The following TRIM7 variants were observed in gnomAD, a reference collection of about 807,000 sequenced individuals.
TRIM7 encodes tripartite motif containing 7.
A neutral mutation model predicts 37.9 loss-of-function variants in TRIM7; 32 were observed. The observed-to-expected ratio is 0.84, with a 90% CI of 0.64 to 1.13. TRIM7 has a LOEUF of 1.13. Among genes scored for constraint, TRIM7 ranks in the 50% most tolerant of loss-of-function variants. The pLI is 0.00. For synonymous variants in TRIM7, 351 were observed against 321.3 expected (o/e 1.09, Z -0.99); for missense variants, 732 against 714.0 (o/e 1.03, Z -0.29).
chr5:181,203,580 G>A lies in TRIM7; in HGVS notation c.583C>T (p.Arg195Trp), dbSNP rs767501827. 5 of 1,614,024 alleles carry A rather than the reference G, an allele frequency of 3.1e-6. No homozygotes were observed. The highest frequency in any genetic ancestry group is 4.2e-6 in the Non-Finnish European group (5 of 1,180,004). The change falls in exon 2 of 7, where the codon CGG (arginine) becomes TGG (tryptophan). Residue 195 changes from arginine to tryptophan, a missense_variant. Transcript: ENST00000274773. Reference sequence around the variant, plus strand: ...TTGCTCTCCTTCTTTTCCGTGGACCGGAACACCTCACAGTCCTCCAGTTCC... The same window carrying A: ...TTGCTCTCCTTCTTTTCCGTGGACCAGAACACCTCACAGTCCTCCAGTTCC... The part of the protein sequence containing the change: ...KKELEDCEVF[R>W]STEKKESKEL...
At chr5:181,201,621 G>T (rs1757490462) in intron 2 of TRIM7, among the ~76,000 whole-genome samples, 1 of 152,218 alleles carries the variant, frequency 6.6e-6, no homozygotes, top group Non-Finnish European at 1.5e-5. Context: ...TTAAAAATTA[G>T]CCGGGTGTAG....
intron 1 of TRIM7, 30 bp from the exon 2 acceptor site, chr5:181,203,670 G>T: frequency 6.3e-7 from 1 of 1,579,108 alleles, no homozygotes; most frequent in Non-Finnish European, 8.6e-7. Flanking sequence ...ATGTAAGGTG[G>T]GGGTGAGGGG....
Position 181,204,736 on chromosome 5 carries a change from T to A in TRIM7, c.375A>T (p.Ala125=), listed in dbSNP as rs1249213992. 2.7e-6 allele frequency: 4 copies of A among 1,463,980 alleles called. No homozygotes were observed. The African/African-American group carries it at 6.0e-5, about 22-fold the overall frequency. The allele number at this position is 1,463,980 out of a possible 1,614,324, so 90.7% of individuals were successfully genotyped here. ...CATGCTGCCCGCAGCGGGCAGCCGC[T>A]GCCCGGGCCGCGGCCGCCTGAGACC... ...EHGSQAAAAR[A]AAARCGQHGE... The change falls in exon 1 of 7, where the codon GCA becomes GCT. Residue 125 remains alanine, a synonymous_variant. Coordinates refer to ENST00000274773, the MANE Select transcript of TRIM7 (RefSeq NM_203293.3).
In TRIM7 at chr5:181,204,667, G is replaced by A; in HGVS notation, c.444C>T (p.Ile148=). 6 of 1,515,734 alleles carry A rather than the reference G, an allele frequency of 4.0e-6. No homozygotes were observed. Among genetic ancestry groups the A allele is most frequent in the Non-Finnish European group, 5.2e-6 (6 of 1,143,356 alleles). The allele number at this position is 1,515,734 out of a possible 1,614,324, so 93.9% of individuals were successfully genotyped here. Residue 148 remains isoleucine, a synonymous_variant, in exon 1 of 7, where the codon ATC becomes ATT. Transcript: ENST00000274773. ...KLYCQDDGRA[I]CVVCDRAREH... ...CGCGGGCGCGGTCGCACACCACGCAGATGGCGCGTCCGTCGTCCTGGCAGT... is the reference window on the plus strand; with the variant it reads ...CGCGGGCGCGGTCGCACACCACGCAAATGGCGCGTCCGTCGTCCTGGCAGT...
At chr5:181,204,009 C>T (rs899847973) in intron 1 of TRIM7, 3 of 1,032,978 alleles carry the variant, frequency 2.9e-6, no homozygotes, top group Non-Finnish European at 3.5e-6. Flanking sequence ...CCCGCCCTCA[C>T]CCCTGCACAC....
intron 2 of TRIM7, chr5:181,202,748 A>T: frequency 6.8e-6 from 1 of 147,128 alleles, no homozygotes; most frequent in East Asian, 2.0e-4. Context: ...TATTTTTAGT[A>T]GAGACAGGGG....
intron 4 of TRIM7, 86 bp downstream of exon 4, chr5:181,199,009 G>T: frequency 6.4e-7 from 1 of 1,553,040 alleles, no homozygotes; most frequent in Non-Finnish European, 8.9e-7. Context: ...GGAGGTGAGA[G>T]GTCAGGGGAC....
In TRIM7 at chr5:181,195,510, G is replaced by T; in HGVS notation, c.1192C>A (p.His398Asn). 1 of 1,612,764 alleles carries T rather than the reference G, an allele frequency of 6.2e-7. No homozygotes were observed. The highest frequency in any genetic ancestry group is 8.5e-7 in the Non-Finnish European group (1 of 1,179,672). The change falls in exon 7 of 7, where the codon CAC (histidine) becomes AAC (asparagine). Residue 398 changes from histidine (H) to asparagine (N), a missense_variant. His to Asn is a moderately conservative substitution (Grantham distance 68, BLOSUM62 1). Transcript: ENST00000274773. Reference protein sequence around the residue: ...ASCGFSSGRHHWEVEVGSKDG... With the variant: ...ASCGFSSGRHNWEVEVGSKDG... ...TTAGAGCCCACCTCCACCTCCCAGT[G>T]ATGCCGGCCCGAGGAGAAGCCGCAG...
chr5:181,201,810 T>C (rs911084505), intron 2 of TRIM7, among the ~76,000 whole-genome samples: 3 of 152,128 alleles, frequency 2.0e-5, no homozygotes, highest in Non-Finnish European at 2.9e-5. Context: ...TGGAAGGTGT[T>C]AAGCAAGGCC....
chr5:181,203,906 C>T (rs1757662504), intron 1 of TRIM7: 1 of 1,199,522 alleles, frequency 8.3e-7, no homozygotes, highest in East Asian at 4.4e-5. Context: ...CCTCTACTCT[C>T]CGCCCCCCCA....
chr5:181,197,768 C>T (rs1311203550), intron 6 of TRIM7: 1 of 189,666 alleles, frequency 5.3e-6, no homozygotes, highest in Non-Finnish European at 1.1e-5. Context: ...GGATGCCACA[C>T]ATTCCAGAGC....
rs1021101354 is a variant in TRIM7 at position 181,204,038 on chromosome 5, C to A, written c.523-398G>T. On this transcript the variant is annotated intron_variant, in intron 1 of 6. Coordinates refer to ENST00000274773, the MANE Select transcript of TRIM7 (RefSeq NM_203293.3). ...TGCACACACCCTCGCTGAGGCTCAG[C>A]GAGAAAATAGCAAAGAAAGGGCCCC... 1.5e-5 allele frequency: 15 copies of A among 1,004,186 alleles called. No individual in the cohort carries two copies. The Admixed American group carries it at 6.2e-4, about 42-fold the overall frequency. 62.2% of individuals were successfully genotyped at this position (1,004,186 alleles called of 1,614,324 possible).
intron 6 of TRIM7, chr5:181,197,570 G>T (rs2545055): frequency 0.15 from 22,640 of 153,882 alleles, 4,966 homozygotes; most frequent in African/African-American, 0.49. Flanking sequence ...TGAGGCTAGA[G>T]CCCGTGGGCC....
At chr5:181,204,323 C>T in intron 1 of TRIM7, 2 of 1,181,544 alleles carry the variant, frequency 1.7e-6, no homozygotes, top group South Asian at 4.1e-5. Flanking sequence ...TCGCCAAGTC[C>T]GTGGGGGACG....
Position 181,204,622 on chromosome 5 carries a change from C to A in TRIM7, c.489G>T (p.Val163=). The change falls in exon 1 of 7, where the codon GTG becomes GTT. Residue 163 remains valine (V), a synonymous_variant. Coordinates refer to ENST00000274773, the MANE Select transcript of TRIM7 (RefSeq NM_203293.3). ...CCTGCACCGCCTCGTCCAGCGGCAG[C>A]ACGGCGTGCTCGCGGTGCTCGCGGG... ...DRAREHREHA[V]LPLDEAVQEA... 1 of 1,470,472 alleles carries A rather than the reference C, an allele frequency of 6.8e-7. No individual in the cohort carries two copies. 91.1% of individuals were successfully genotyped at this position (1,470,472 alleles called of 1,614,324 possible). A position where few individuals can be genotyped will look rare whatever the true frequency, so the allele number is the denominator to read the frequency against.
At chr5:181,196,313 C>G (rs1328610973) in intron 6 of TRIM7, 1 of 152,158 alleles carries the variant, frequency 6.6e-6, no homozygotes, top group Non-Finnish European at 1.5e-5. Flanking sequence ...GGCATGAACC[C>G]GGGAGGTGGA....
chr5:181,200,435 A>T, intron 2 of TRIM7: 1 of 1,269,386 alleles, frequency 7.9e-7, no homozygotes, highest in Non-Finnish European at 9.9e-7. Flanking sequence ...TGGGGCAACC[A>T]TAGGATTAAA....
At chr5:181,199,215 G>A (rs1369757165) in intron 3 of TRIM7, 98 bp from the exon 4 acceptor site, 3 of 1,435,394 alleles carry the variant, frequency 2.1e-6, no homozygotes, top group African/African-American at 2.8e-5. Context: ...CCAGATGTAA[G>A]CATAAGCAAG....
At position 181,200,814 on chromosome 5, in the gene TRIM7, G is replaced by T. The variant is rs114167808; in HGVS notation, c.619-733C>A. On this transcript the variant is annotated intron_variant, in intron 2 of 6. Transcript: ENST00000274773. ...GGCACTCAATATGTCCCACCAGGAA[G>T]TTCCTCTTCCTTAAAACTCCTGGGC... 4,254 of 985,564 alleles carry T rather than the reference G, an allele frequency of 4.3e-3. 27 individuals are homozygous for T. Among genetic ancestry groups the T allele is most frequent in the South Asian group, 0.036 (768 of 21,290 alleles). 61.1% of individuals were successfully genotyped at this position (985,564 alleles called of 1,614,324 possible). A position where few individuals can be genotyped will look rare whatever the true frequency, so the allele number is the denominator to read the frequency against.
Sources: allele counts gnomAD v4.1 joint callset (sites outside exome capture counted in the v4.1 genomes callset), GRCh38; gene constraint gnomAD v4.1.1; transcripts MANE v1.5; gene names NCBI Gene and HGNC (gene_info 2026-07-23, HGNC 2026-07-21).